Variants in DNM1L observed in about 807,000 individuals in gnomAD.
DNM1L encodes dynamin-1-like protein.
In DNM1L, 33 loss-of-function variants were observed where a neutral mutation model predicts 92.8. The ratio of observed to expected loss-of-function variants is 0.36; its 90% CI spans 0.27 to 0.48. The LOEUF (loss-of-function observed/expected upper bound fraction) is 0.48. Among genes scored for constraint, DNM1L ranks in the 20% least tolerant of loss-of-function variants. The pLI is 0.99. For missense variants in DNM1L, 485 were observed against 888.8 expected, an observed-to-expected ratio of 0.55 and a Z score of 5.78; for synonymous variants, 284 against 305.0, an observed-to-expected ratio of 0.93 and a Z score of 0.72.
chr12:32,679,420 C>A lies in DNM1L; in HGVS notation c.57C>A (p.Gly19=). ...NKLQDVFNTV[G]ADIIQLPQIV... ...TCCAGGACGTCTTCAACACGGTGGG[C>A]GCCGACATCATCCAGCTGCCTCAAA... is the stretch of plus-strand genomic sequence containing the variant. Residue 19 remains glycine, a synonymous_variant, in exon 1 of 20, where the codon GGC becomes GGA. Coordinates refer to ENST00000549701, the MANE Select transcript of DNM1L (RefSeq NM_012062.5). 1 of 1,613,632 alleles carries A rather than the reference C, an allele frequency of 6.2e-7. No individual in the cohort carries two copies. The highest frequency in any genetic ancestry group is 8.5e-7 in the Non-Finnish European group (1 of 1,179,912).
At chr12:32,726,012 A>C (rs150565516) in intron 9 of DNM1L, among the ~76,000 whole-genome samples, 1 of 151,670 alleles carries the variant, frequency 6.6e-6, no homozygotes, top group Non-Finnish European at 1.5e-5. Context: ...ACTTAACCCT[A>C]TTCAACAAAC....
At chr12:32,733,364 G>C (rs931213796) in intron 12 of DNM1L, 1 of 242,376 alleles carries the variant, frequency 4.1e-6, no homozygotes, top group Non-Finnish European at 8.0e-6. Flanking sequence ...ACAGGGAATA[G>C]TGGATGATCT....
rs900218595 is a variant in DNM1L at position 32,731,915 on chromosome 12, G to A, written c.1418G>A (p.Arg473His). ...AIVEVVTCLLRKRLPVTNEMV... is the reference protein window; with the variant it reads ...AIVEVVTCLLHKRLPVTNEMV... ...GTTGAAGTGGTGACTTGTCTTCTTC[G>A]TAAAAGGTTGCCTGTTACAAATGAA... The change falls in exon 12 of 20, where the codon CGT becomes CAT. Residue 473 changes from arginine to histidine, a missense_variant. Arg to His is a conservative substitution (Grantham distance 29, BLOSUM62 0). Around this residue, in one of 11 missense-constraint regions of DNM1L, gnomAD observed 28 missense variants for 65.1 expected, o/e 0.43. Coordinates refer to ENST00000549701, the MANE Select transcript of DNM1L (RefSeq NM_012062.5). The surrounding 1 kb of genome is among the most constrained non-coding windows in gnomAD (Gnocchi z 5.1). The A allele has an allele frequency of 5.6e-6, 9 of 1,613,708 alleles. No individual in the cohort carries two copies. The highest frequency in any genetic ancestry group is 5.1e-6 in the Non-Finnish European group (6 of 1,179,756).
chr12:32,741,516 G>A (rs1192708759), intron 18 of DNM1L, among the ~76,000 whole-genome samples: 4 of 152,090 alleles, frequency 2.6e-5, no homozygotes, highest in African/African-American at 9.7e-5. Flanking sequence ...AACTCCTGAC[G>A]TCAGGTGATC....
Position 32,731,804 on chromosome 12 carries a change from A to T in DNM1L, c.1357-50A>T. The stretch of plus-strand genomic sequence containing the variant: ...GGATGGCTTAGTGAGACTATGACTT[A>T]AAAAAAAAACAAAAAACAAACACGT... On this transcript the variant is annotated intron_variant, in intron 11 of 19. Transcript: ENST00000549701. The surrounding 1 kb of genome is among the most constrained non-coding windows in gnomAD (Gnocchi z 5.1). The T allele has an allele frequency of 1.5e-6, 2 of 1,356,954 alleles. No individual in the cohort carries two copies. Among genetic ancestry groups the T allele is most frequent in the Non-Finnish European group, 2.1e-6 (2 of 967,302 alleles). 84.1% of individuals were successfully genotyped at this position (1,356,954 alleles called of 1,614,324 possible).
chr12:32,689,483 C>T (rs57313322), intron 1 of DNM1L, among the ~76,000 whole-genome samples: 1,557 of 152,220 alleles, frequency 0.01, 34 homozygotes, highest in African/African-American at 0.035. Context: ...GCCACTGGGC[C>T]CGGCGTAGTT....
At chr12:32,679,516 G>T in intron 1 of DNM1L, 51 bp downstream of exon 1, 8 of 1,553,858 alleles carry the variant, frequency 5.1e-6, no homozygotes, top group Non-Finnish European at 6.2e-6. Context: ...CCGCAGGCCT[G>T]GTCGGTGCTG....
At chr12:32,681,959 A>G (rs1951821815) in intron 1 of DNM1L, among the ~76,000 whole-genome samples, 1 of 151,902 alleles carries the variant, frequency 6.6e-6, no homozygotes, top group South Asian at 2.1e-4. Flanking sequence ...CTGCGATGGC[A>G]CTCCAGCCTG....
intron 2 of DNM1L, among the ~76,000 whole-genome samples, chr12:32,702,752 A>ACATTCTACAACTACAC (rs1952764797): frequency 6.6e-6 from 1 of 152,148 alleles, no homozygotes; most frequent in South Asian, 2.1e-4. Flanking sequence ...TTAGTCACTG[A>ACATTCTACAACTACAC]AGCAAATTAG....
At chr12:32,698,445 GTTCTC>G (rs1952561804) in intron 1 of DNM1L, among the ~76,000 whole-genome samples, 1 of 152,116 alleles carries the variant, frequency 6.6e-6, no homozygotes, top group Non-Finnish European at 1.5e-5. Context: ...GATGAGAGCT[GTTCTC>G]TTGTTACTAG....
At chr12:32,683,142 A>G (rs1951870009) in intron 1 of DNM1L, among the ~76,000 whole-genome samples, 1 of 152,232 alleles carries the variant, frequency 6.6e-6, no homozygotes, top group Non-Finnish European at 1.5e-5. Flanking sequence ...CTAGTAATGT[A>G]CTTTACACTT....
chr12:32,687,310 G>T (rs10844291), intron 1 of DNM1L, among the ~76,000 whole-genome samples: 23,360 of 151,710 alleles, frequency 0.15, 1,899 homozygotes, highest in Middle Eastern at 0.21. Flanking sequence ...AGTACATCTT[G>T]GTATGGTATG....
rs771255706 is a variant in DNM1L at position 32,725,910 on chromosome 12, G to T, written c.1079+3277G>T. Among the ~76,000 whole-genome samples, 713 of 141,704 alleles carry T rather than the reference G, an allele frequency of 5.0e-3. 4 individuals carry two copies. The highest frequency in any genetic ancestry group is 0.011 in the Middle Eastern group (3 of 274). The allele number at this position is 141,704 out of a possible 152,430, so 93.0% of individuals were successfully genotyped here. The stretch of plus-strand genomic sequence containing the variant: ...GTGAGCCACCGCGACTGGCATGCCG[G>T]TTTTTTTTTTTTTTTTAAACGATGG... On this transcript the variant is annotated intron_variant, in intron 9 of 19. Transcript: ENST00000549701.
intron 1 of DNM1L, among the ~76,000 whole-genome samples, chr12:32,691,852 C>T (rs532837208): frequency 2.0e-5 from 3 of 152,038 alleles, no homozygotes; most frequent in African/African-American, 4.8e-5. Flanking sequence ...AGCTGAAGTA[C>T]GACATCTTCA....
rs538531312 is a variant in DNM1L, at chr12:32,688,211, C to CA, written c.102+8747dup. 4.2e-3 allele frequency among the ~76,000 whole-genome samples: 645 copies of CA among 152,316 alleles called. 6 individuals are homozygous for CA. Among genetic ancestry groups the CA allele is most frequent in the African/African-American group, 0.015 (626 of 41,556 alleles). On this transcript the variant is annotated intron_variant, in intron 1 of 19. Transcript: ENST00000549701. Reference sequence around the variant, plus strand: ...AAATGCTGGGATTACAGGCGTGAGCCACTGTGTGGGCCCCGTATGAATTTT... The same window carrying CA: ...AAATGCTGGGATTACAGGCGTGAGCCAACTGTGTGGGCCCCGTATGAATTTT...
At chr12:32,739,162 T>G (rs1265370849) in intron 16 of DNM1L, among the ~76,000 whole-genome samples, 1 of 152,188 alleles carries the variant, frequency 6.6e-6, no homozygotes, top group Non-Finnish European at 1.5e-5. Flanking sequence ...AAAGACAGAT[T>G]TTAGCAAATA....
intron 2 of DNM1L, chr12:32,705,830 G>C (rs1952901173): frequency 1.9e-6 from 3 of 1,597,808 alleles, no homozygotes; most frequent in Non-Finnish European, 2.5e-6. Context: ...TACAGACCCT[G>C]CTACATGGAA....
At chr12:32,687,854 C>T (rs10844292) in intron 1 of DNM1L, among the ~76,000 whole-genome samples, 23,448 of 152,054 alleles carry the variant, frequency 0.15, 1,918 homozygotes, top group Middle Eastern at 0.21. Flanking sequence ...TGTAACTTTA[C>T]CAGCATTGTT....
At chr12:32,733,486 C>T in intron 12 of DNM1L, 4 of 486,612 alleles carry the variant, frequency 8.2e-6, no homozygotes, top group Non-Finnish European at 1.1e-5. Flanking sequence ...GTTATTTTTC[C>T]CTCTTAGAAA....
Sources: allele counts gnomAD v4.1 joint callset (sites outside exome capture counted in the v4.1 genomes callset), GRCh38; gene constraint gnomAD v4.1.1; regional missense constraint gnomAD v4.1.1; non-coding constraint Gnocchi (gnomAD v3.1); transcripts MANE v1.5; gene names NCBI Gene and HGNC (gene_info 2026-07-23, HGNC 2026-07-21).